The following CLCF1 variants were observed in gnomAD, a reference collection of about 807,000 sequenced individuals.
CLCF1 encodes the protein cardiotrophin-like cytokine factor 1.
In CLCF1, 10 loss-of-function variants were observed where a neutral mutation model predicts 21.2. The ratio of observed to expected loss-of-function variants is 0.47; its 90% CI spans 0.29 to 0.80. The LOEUF (loss-of-function observed/expected upper bound fraction) is 0.80. CLCF1 is among the 30% of genes least tolerant of loss of function. The pLI, the probability that CLCF1 is intolerant of heterozygous loss-of-function variation, is 0.09. For missense variants in CLCF1, 240 were observed against 293.4 expected, an observed-to-expected ratio of 0.82 and a Z score of 1.33; for synonymous variants, 115 against 120.5, an observed-to-expected ratio of 0.95 and a Z score of 0.30.
Position 67,368,080 on chromosome 11 carries a change from G to C in CLCF1, c.17-454C>G. 3.0e-6 allele frequency: 3 copies of C among 985,442 alleles called. No individual in the cohort carries two copies. In the South Asian group the frequency reaches 1.4e-4, roughly 46 times the overall value. The allele number at this position is 985,442 out of a possible 1,614,324, so 61.0% of individuals were successfully genotyped here. A position where few individuals can be genotyped will look rare whatever the true frequency, so the allele number is the denominator to read the frequency against. On this transcript the variant is annotated intron_variant, in intron 1 of 2. Coordinates refer to ENST00000312438, the MANE Select transcript of CLCF1 (RefSeq NM_013246.3). ...AGAGGGTGGGAGACAGCACATGTCA[G>C]AGCTGGCAGGCTGAGCACAGTCAGC...
intron 1 of CLCF1, chr11:67,369,535 A>C: frequency 1.0e-6 from 1 of 985,358 alleles, no homozygotes; most frequent in Non-Finnish European, 1.2e-6. Flanking sequence ...CACAACTCCA[A>C]GCCTAGGGAT....
At chr11:67,368,195 T>C (rs1733596188) in intron 1 of CLCF1, 1 of 985,280 alleles carries the variant, frequency 1.0e-6, no homozygotes, top group African/African-American at 1.7e-5. Flanking sequence ...AGGGTCGGGC[T>C]GCCTTATGGG....
At chr11:67,366,130 C>A (rs1385430162) in intron 2 of CLCF1, among the ~76,000 whole-genome samples, 3 of 152,122 alleles carry the variant, frequency 2.0e-5, no homozygotes, top group Non-Finnish European at 4.4e-5. Flanking sequence ...CAAGGAGGTG[C>A]CTGACGACCT....
chr11:67,365,188 A>G lies in CLCF1; in HGVS notation c.626T>C (p.Met209Thr), dbSNP rs1862069547. 6.2e-7 allele frequency: 1 copy of G among 1,614,050 alleles called. No individual in the cohort carries two copies. The highest frequency in any genetic ancestry group is 8.5e-7 in the Non-Finnish European group (1 of 1,180,038). ...AKDFNRLKKK[M>T]QPPAAAVTLH... ...GGTGACTGCAGCTGCTGGAGGCTGCATCTTCTTCTTGAGCCGGTTGAAGTC... is the reference window on the plus strand; with the variant it reads ...GGTGACTGCAGCTGCTGGAGGCTGCGTCTTCTTCTTGAGCCGGTTGAAGTC... Residue 209 changes from methionine to threonine, a missense_variant, in exon 3 of 3, where the codon ATG (methionine) becomes ACG (threonine). Transcript: ENST00000312438. The surrounding 1 kb of genome is among the most constrained non-coding windows in gnomAD (Gnocchi z 5.0).
intron 2 of CLCF1, among the ~76,000 whole-genome samples, chr11:67,366,941 C>T (rs1015072771): frequency 3.9e-5 from 6 of 152,132 alleles, no homozygotes; most frequent in Admixed American, 6.5e-5. Context: ...CCCTAAACCC[C>T]CTGCCACTAC....
chr11:67,373,585 T>C lies in CLCF1; in HGVS notation c.-46A>G. On this transcript the variant is annotated 5_prime_UTR_variant, in exon 1 of 3. Coordinates refer to ENST00000312438, the MANE Select transcript of CLCF1 (RefSeq NM_013246.3). The stretch of plus-strand genomic sequence containing the variant: ...CGGGTGCGGCTCCTCTCCCGGAGGC[T>C]GGCGGAGTGGGAGGGCGAGCCGCGG... The C allele has an allele frequency of 7.5e-7, 1 of 1,335,610 alleles. No homozygotes were observed. Among genetic ancestry groups the C allele is most frequent in the Non-Finnish European group, 9.6e-7 (1 of 1,042,674 alleles). The allele number at this position is 1,335,610 out of a possible 1,614,324, so 82.7% of individuals were successfully genotyped here. A position where few individuals can be genotyped will look rare whatever the true frequency, so the allele number is the denominator to read the frequency against.
In CLCF1 at chr11:67,368,512, G is replaced by A. The variant is rs1042521535; in HGVS notation, c.17-886C>T. On this transcript the variant is annotated intron_variant, in intron 1 of 2. Transcript: ENST00000312438. ...GCCAGGGTTGGGTGCTGTAAGGAGG[G>A]ATGTGGGCAGTGGGGAAATATGCTT... The A allele has an allele frequency of 4.1e-6, 4 of 985,370 alleles. No individual in the cohort carries two copies. In the South Asian group the frequency reaches 1.4e-4, roughly 35 times the overall value. The allele number at this position is 985,370 out of a possible 1,614,324, so 61.0% of individuals were successfully genotyped here.
At chr11:67,366,682 A>T (rs1346859998) in intron 2 of CLCF1, among the ~76,000 whole-genome samples, 2 of 152,008 alleles carry the variant, frequency 1.3e-5, no homozygotes, top group African/African-American at 2.4e-5. Flanking sequence ...GGAGGTTCAC[A>T]CGCTGACAAG....
At chr11:67,373,759 A>C, upstream of CLCF1, 1 of 980,586 alleles carries the variant, frequency 1.0e-6, no homozygotes, top group Non-Finnish European at 1.2e-6. Flanking sequence ...CACAAATTGT[A>C]GCGGCCCTCC....
At chr11:67,367,155 C>T (rs1003911708) in intron 2 of CLCF1, among the ~76,000 whole-genome samples, 12 of 150,372 alleles carry the variant, frequency 8.0e-5, no homozygotes, top group South Asian at 4.3e-4. Context: ...CACCACAACA[C>T]GGTGTAAACA....
At chr11:67,369,761 G>A (rs1022665548) in intron 1 of CLCF1, 47 of 985,328 alleles carry the variant, frequency 4.8e-5, no homozygotes, top group Non-Finnish European at 5.3e-5. Flanking sequence ...CGGAGTTCTA[G>A]GCTCTGCCTT....
chr11:67,367,228 G>A (rs1862129373), intron 2 of CLCF1, among the ~76,000 whole-genome samples: 1 of 152,140 alleles, frequency 6.6e-6, no homozygotes, highest in African/African-American at 2.4e-5. Context: ...GTGGGGCAAT[G>A]GGCCAAGGCG....
chr11:67,367,725 G>T (rs1337461672), intron 1 of CLCF1, 99 bp from the exon 2 acceptor site: 3 of 1,536,624 alleles, frequency 2.0e-6, no homozygotes. Context: ...TGGGCTGGGT[G>T]GGGGGTGAGG....
chr11:67,364,975 G>A lies in CLCF1; in HGVS notation c.*161C>T. ...GCTCGGTAGACCTTTGGGAGGTGGG[G>A]AGGAGACAGGGCTGATCGCATCACA... On this transcript the variant is annotated 3_prime_UTR_variant, in exon 3 of 3. Transcript: ENST00000312438. 1 of 1,160,056 alleles carries A rather than the reference G, an allele frequency of 8.6e-7. No homozygotes were observed. Among genetic ancestry groups the A allele is most frequent in the Non-Finnish European group, 1.2e-6 (1 of 827,854 alleles). 71.9% of individuals were successfully genotyped at this position (1,160,056 alleles called of 1,614,324 possible).
At position 67,365,152 on chromosome 11, in the gene CLCF1, C is replaced by T. The variant is rs1398696412; in HGVS notation, c.662G>A (p.Gly221Glu). 5 of 1,610,168 alleles carry T rather than the reference C, an allele frequency of 3.1e-6. No individual in the cohort carries two copies. Among genetic ancestry groups the T allele is most frequent in the Non-Finnish European group, 3.4e-6 (4 of 1,179,832 alleles). The change falls in exon 3 of 3, where the codon GGG (glycine) becomes GAG (glutamate). Residue 221 changes from glycine (G) to glutamate (E), a missense_variant. Physicochemically the swap from Gly to Glu is moderately conservative, Grantham distance 98. Coordinates refer to ENST00000312438, the MANE Select transcript of CLCF1 (RefSeq NM_013246.3). The surrounding 1 kb of genome is among the most constrained non-coding windows in gnomAD (Gnocchi z 5.0). ...PPAAAVTLHLGAHGF is the reference protein window; with the variant it reads ...PPAAAVTLHLEAHGF ...GGTCAGAAGTCAGAAGCCATGAGCCCCCAGGTGCAGGGTGACTGCAGCTGC... is the reference window on the plus strand; with the variant it reads ...GGTCAGAAGTCAGAAGCCATGAGCCTCCAGGTGCAGGGTGACTGCAGCTGC...
At position 67,371,984 on chromosome 11, in the gene CLCF1, G is replaced by A. The variant is rs116618310; in HGVS notation, c.16+1540C>T. Reference sequence around the variant, plus strand: ...CAATTGCCATCTCTGCTTCCTCCCCGGTGGAGCGTGTGGCTCCAGGGCAGC... The same window carrying A: ...CAATTGCCATCTCTGCTTCCTCCCCAGTGGAGCGTGTGGCTCCAGGGCAGC... On this transcript the variant is annotated intron_variant, in intron 1 of 2. Transcript: ENST00000312438. Among the ~76,000 whole-genome samples, 996 of 152,230 alleles carry A rather than the reference G, an allele frequency of 6.5e-3. 12 individuals are homozygous for A. Among genetic ancestry groups the A allele is most frequent in the African/African-American group, 0.022 (925 of 41,522 alleles).
rs1483389293 is a variant in CLCF1, at chr11:67,372,969, G to A, written c.16+555C>T. Among the ~76,000 whole-genome samples, 4 of 149,086 alleles carry A rather than the reference G, an allele frequency of 2.7e-5. No individual in the cohort carries two copies. Among genetic ancestry groups the A allele is most frequent in the African/African-American group, 9.8e-5 (4 of 40,652 alleles). On this transcript the variant is annotated intron_variant, in intron 1 of 2. Coordinates refer to ENST00000312438, the MANE Select transcript of CLCF1 (RefSeq NM_013246.3). This position sits in a 1 kb window ranked among gnomAD's most constrained non-coding sequence, Gnocchi z 5.9. The stretch of plus-strand genomic sequence containing the variant: ...CGGCGCGGCTCGGCCCGTCCGGCCC[G>A]GCCCAGCCAGGCTCGGCGCTGCCCT...
At position 67,365,225 on chromosome 11, in the gene CLCF1, G is replaced by A; in HGVS notation, c.589C>T (p.Arg197Cys). 1.9e-6 allele frequency: 3 copies of A among 1,613,946 alleles called. No individual in the cohort carries two copies. The highest frequency in any genetic ancestry group is 2.5e-6 in the Non-Finnish European group (3 of 1,180,008). Reference protein sequence around the residue: ...LLKELQTWLWRSAKDFNRLKK... With the variant: ...LLKELQTWLWCSAKDFNRLKK... ...AGCCGGTTGAAGTCCTTGGCCGAGC[G>A]CCACAGCCAGGTCTGCAGCTCCTTC... The change falls in exon 3 of 3, where the codon CGC (arginine) becomes TGC (cysteine). Residue 197 changes from arginine to cysteine, a missense_variant. Coordinates refer to ENST00000312438, the MANE Select transcript of CLCF1 (RefSeq NM_013246.3). This position sits in a 1 kb window ranked among gnomAD's most constrained non-coding sequence, Gnocchi z 5.0.
chr11:67,364,926 A>C lies in CLCF1; in HGVS notation c.*210T>G. 1 of 707,130 alleles carries C rather than the reference A, an allele frequency of 1.4e-6. No individual in the cohort carries two copies. The allele number at this position is 707,130 out of a possible 1,614,324, so 43.8% of individuals were successfully genotyped here. Reference sequence around the variant, plus strand: ...ACTTCCTGTAGAAACAGGACAGGACAGGGCCTACTGTACCTCCTCCCCAGC... The same window carrying C: ...ACTTCCTGTAGAAACAGGACAGGACCGGGCCTACTGTACCTCCTCCCCAGC... On this transcript the variant is annotated 3_prime_UTR_variant, in exon 3 of 3. Transcript: ENST00000312438.
Sources: allele counts gnomAD v4.1 joint callset (sites outside exome capture counted in the v4.1 genomes callset), GRCh38; gene constraint gnomAD v4.1.1; non-coding constraint Gnocchi (gnomAD v3.1); transcripts MANE v1.5; gene names NCBI Gene and HGNC (gene_info 2026-07-23, HGNC 2026-07-21).